RSPH14: variants seen among roughly 807,000 people sequenced by gnomAD.
RSPH14 encodes the protein radial spoke head 14 homolog, also known as rhabdoid tumor deletion region gene 1.
A neutral mutation model predicts 26.7 loss-of-function variants in RSPH14; 20 were observed. That is an observed-to-expected ratio of 0.75 (90% CI 0.53 to 1.09). RSPH14 has a LOEUF of 1.09. Ranked by LOEUF, RSPH14 falls within the 50% of genes least tolerant of loss-of-function variation. The pLI is 0.00. For missense variants in RSPH14, 449 were observed against 457.2 expected, an observed-to-expected ratio of 0.98 and a Z score of 0.16; for synonymous variants, 177 against 189.3, an observed-to-expected ratio of 0.93 and a Z score of 0.53.
the RSPH14 span, chr22:23,150,203 A>G: frequency 7.1e-7 from 1 of 1,402,852 alleles, no homozygotes; most frequent in South Asian, 1.2e-5. Flanking sequence ...AGAAGGAATG[A>G]GTGCATGAAG....
At chr22:23,099,920 G>A (rs796888089) in intron 4 of RSPH14, among the ~76,000 whole-genome samples, 3 of 152,234 alleles carry the variant, frequency 2.0e-5, no homozygotes, top group Admixed American at 6.5e-5. Context: ...CTGCCCTTGC[G>A]GATCAGCTAA....
At chr22:23,150,360 GGT>G in the RSPH14 span, among the ~76,000 whole-genome samples, 2 of 147,662 alleles carry the variant, frequency 1.4e-5, no homozygotes, top group South Asian at 2.1e-4. Context: ...GGAGTGCAGT[GGT>G]GCGATCTCAG....
At position 23,059,520 on chromosome 22, in the gene RSPH14, G is replaced by A; in HGVS notation, c.989C>T (p.Ala330Val). The change falls in exon 7 of 7, where the codon GCC (alanine) becomes GTC (valine). Residue 330 changes from alanine (A) to valine (V), a missense_variant. Ala to Val is a moderately conservative substitution (Grantham distance 64). Transcript: ENST00000216036. The part of the protein sequence containing the change: ...EVETYEKPQV[A>V]EALQRAARIA... ...CCGGGCTGCCCGCTGTAAGGCTTCG[G>A]CCACTTGAGGCTTTTCGTAAGTCTC... is the stretch of plus-strand genomic sequence containing the variant. 3 of 1,614,116 alleles carry A rather than the reference G, an allele frequency of 1.9e-6. No individual in the cohort carries two copies. The highest frequency in any genetic ancestry group is 1.7e-6 in the Non-Finnish European group (2 of 1,179,964).
chr22:23,142,181 T>C (rs914170527), upstream of RSPH14: 2 of 233,526 alleles, frequency 8.6e-6, no homozygotes, highest in African/African-American at 2.3e-5. Flanking sequence ...TTGTTCAAAG[T>C]ACAGAAGGGA....
At chr22:23,150,304 CTTTTTT>C in the RSPH14 span, 1 of 444,524 alleles carries the variant, frequency 2.2e-6, no homozygotes, top group Non-Finnish European at 4.1e-6. Context: ...TTTTTTTTTT[CTTTTTT>C]TTTTTTTTTG....
Position 23,059,709 on chromosome 22 carries a change from G to T in RSPH14, c.800C>A (p.Ala267Glu), listed in dbSNP as rs571048891. ...GCCGATGGCTTGTGCCTCCAGGGCCGCATACTTCCCTGCAGGCCACCAACA... is the reference window on the plus strand; with the variant it reads ...GCCGATGGCTTGTGCCTCCAGGGCCTCATACTTCCCTGCAGGCCACCAACA... ...FATVITEGKYAALEAQAIGLL... is the reference protein window; with the variant it reads ...FATVITEGKYEALEAQAIGLL... Residue 267 changes from alanine (A) to glutamate (E), a missense_variant, in exon 7 of 7, where the codon GCG becomes GAG. Physicochemically the swap from Ala to Glu is moderately radical, Grantham distance 107. Coordinates refer to ENST00000216036, the MANE Select transcript of RSPH14 (RefSeq NM_014433.3). The T allele has an allele frequency of 8.5e-6, 13 of 1,526,308 alleles. No homozygotes were observed. In the African/African-American group the frequency reaches 1.1e-4, roughly 13 times the overall value. 94.5% of individuals were successfully genotyped at this position (1,526,308 alleles called of 1,614,324 possible). A position where few individuals can be genotyped will look rare whatever the true frequency, so the allele number is the denominator to read the frequency against.
chr22:23,129,896 G>A (rs1307253688), intron 4 of RSPH14, among the ~76,000 whole-genome samples: 1 of 151,304 alleles, frequency 6.6e-6, no homozygotes, highest in Non-Finnish European at 1.5e-5. Context: ...GTACAGCCTG[G>A]GTGACAGAGT....
At chr22:23,158,956 G>GT in the RSPH14 span, 7 of 1,614,200 alleles carry the variant, frequency 4.3e-6, no homozygotes, top group Non-Finnish European at 5.9e-6. Context: ...CATCTTCCTC[G>GT]TGGGAACCAA....
the RSPH14 span, chr22:23,180,580 G>A: frequency 0.041 from 1,656 of 40,272 alleles, 21 homozygotes; most frequent in African/African-American, 0.2. Flanking sequence ...AGGCGGCGGC[G>A]GCGGCGGCGG....
chr22:23,064,125 C>G lies in RSPH14; in HGVS notation c.430G>C (p.Glu144Gln), dbSNP rs2068151063. The change falls in exon 5 of 7, where the codon GAG becomes CAG. Residue 144 changes from glutamate to glutamine, a missense_variant. Glu to Gln is a conservative substitution (Grantham distance 29, BLOSUM62 2). Coordinates refer to ENST00000216036, the MANE Select transcript of RSPH14 (RefSeq NM_014433.3). ...QLVQVPRGAQ[E>Q]IISKGLISSL... ...GAAATCAGACCTTTGCTGATGATCT[C>G]TTGGGCCCCTACAAGGCAGGAAAGG... 1 of 1,614,128 alleles carries G rather than the reference C, an allele frequency of 6.2e-7. No homozygotes were observed.
At chr22:23,070,090 C>G (rs1290337429) in intron 4 of RSPH14, among the ~76,000 whole-genome samples, 1 of 152,090 alleles carries the variant, frequency 6.6e-6, no homozygotes, top group East Asian at 1.9e-4. Flanking sequence ...AACGCCGGCG[C>G]GGGGAGCTCT....
At chr22:23,064,930 G>A (rs1287702249) in intron 4 of RSPH14, among the ~76,000 whole-genome samples, 2 of 152,136 alleles carry the variant, frequency 1.3e-5, no homozygotes, top group Non-Finnish European at 2.9e-5. Context: ...GCCCAGGACG[G>A]TGGGCAGAAC....
At chr22:23,088,976 A>G (rs2068888843) in intron 4 of RSPH14, among the ~76,000 whole-genome samples, 1 of 152,190 alleles carries the variant, frequency 6.6e-6, no homozygotes. Context: ...CGTCTCCTCA[A>G]CAAGCCTAAA....
chr22:23,124,010 A>T (rs2070105038), intron 4 of RSPH14: 1 of 231,328 alleles, frequency 4.3e-6, no homozygotes, highest in African/African-American at 2.4e-5. Context: ...GGGTGACAGC[A>T]CTAACCAGAC....
upstream of RSPH14, chr22:23,145,631 G>T: frequency 6.9e-7 from 1 of 1,441,348 alleles, no homozygotes. Flanking sequence ...AGGGCCGCGA[G>T]GGCACAGCGT....
the RSPH14 span, chr22:23,153,054 T>C: frequency 3.3e-5 from 53 of 1,614,058 alleles, 2 homozygotes; most frequent in South Asian, 5.7e-4. Flanking sequence ...ATGTTTTTGA[T>C]CGAGACTACA....
intron 4 of RSPH14, among the ~76,000 whole-genome samples, chr22:23,106,397 C>T (rs567702688): frequency 6.6e-6 from 1 of 152,350 alleles, no homozygotes; most frequent in Admixed American, 6.5e-5. Context: ...GGGTGAAGCC[C>T]AGCTGAGGCA....
At chr22:23,124,393 C>A (rs2070118831) in intron 4 of RSPH14, 1 of 469,786 alleles carries the variant, frequency 2.1e-6, no homozygotes, top group Non-Finnish European at 4.4e-6. Flanking sequence ...ATCTGTCTCT[C>A]TGCTCCAAAG....
In RSPH14 at chr22:23,134,157, G is replaced by A. The variant is rs193092074; in HGVS notation, c.303-13C>T. 2 of 1,586,556 alleles carry A rather than the reference G, an allele frequency of 1.3e-6. No individual in the cohort carries two copies. Among genetic ancestry groups the A allele is most frequent in the African/African-American group, 1.3e-5 (1 of 74,532 alleles). ...TAGAAAGGCGTATCTAGGGAAGGGA[G>A]GGTGGACAGTGACATAAGTGAGACC... On this transcript the variant is annotated splice_polypyrimidine_tract_variant and intron_variant, in intron 3 of 6. Coordinates refer to ENST00000216036, the MANE Select transcript of RSPH14 (RefSeq NM_014433.3).
Sources: allele counts gnomAD v4.1 joint callset (sites outside exome capture counted in the v4.1 genomes callset), GRCh38; gene constraint gnomAD v4.1.1; transcripts MANE v1.5; gene names NCBI Gene and HGNC (gene_info 2026-07-23, HGNC 2026-07-21).